The following CFAP20DC variants were observed in gnomAD, a reference collection of about 807,000 sequenced individuals.
CFAP20DC encodes protein CFAP20DC.
A neutral mutation model predicts 101.7 loss-of-function variants in CFAP20DC; 84 were observed. The observed-to-expected ratio is 0.83, with a 90% CI of 0.69 to 0.99. The LOEUF is 0.99. Ranked by LOEUF, CFAP20DC falls within the 50% of genes least tolerant of loss-of-function variation. The probability of loss-of-function intolerance (pLI) is 0.00; values close to 1 mark genes in which losing one functional copy is unlikely to be tolerated. For synonymous variants in CFAP20DC, 359 were observed against 351.2 expected (o/e 1.02, Z -0.25); for missense variants, 1,007 against 970.3 (o/e 1.04, Z -0.50).
chr3:58,996,048 C>T (rs1295887455), intron 4 of CFAP20DC, among the ~76,000 whole-genome samples: 1 of 147,384 alleles, frequency 6.8e-6, no homozygotes, highest in Non-Finnish European at 1.5e-5. Flanking sequence ...TCTGGAGAGC[C>T]CAGATTAATA....
chr3:58,911,578 T>G (rs2084160344), intron 6 of CFAP20DC, among the ~76,000 whole-genome samples: 1 of 152,144 alleles, frequency 6.6e-6, no homozygotes, highest in South Asian at 2.1e-4. Context: ...GATTTCTGCA[T>G]GTTTCTATAT....
intron 15 of CFAP20DC, among the ~76,000 whole-genome samples, chr3:58,779,527 T>G (rs758787478): frequency 2.0e-5 from 3 of 152,032 alleles, no homozygotes; most frequent in Non-Finnish European, 4.4e-5. Context: ...TATTAGTAGA[T>G]AGAAAATTCT....
intron 14 of CFAP20DC, among the ~76,000 whole-genome samples, chr3:58,816,803 C>T (rs1292289669): frequency 2.6e-5 from 4 of 152,154 alleles, no homozygotes; most frequent in African/African-American, 9.6e-5. Flanking sequence ...TCAAGGAGGC[C>T]TGCCTGCCTC....
intron 4 of CFAP20DC, among the ~76,000 whole-genome samples, chr3:58,985,869 T>A (rs1286457426): frequency 6.6e-6 from 1 of 152,250 alleles, no homozygotes. Flanking sequence ...AGGGAATTAT[T>A]TCTTATTCAT....
intron 7 of CFAP20DC, among the ~76,000 whole-genome samples, chr3:58,879,956 CTTA>C (rs2081100284): frequency 6.6e-6 from 1 of 150,826 alleles, no homozygotes; most frequent in South Asian, 2.1e-4. Context: ...CGATTTCCTT[CTTA>C]TTATATATTT....
intron 4 of CFAP20DC, among the ~76,000 whole-genome samples, chr3:59,019,723 T>A (rs1270762980): frequency 6.6e-6 from 1 of 152,106 alleles, no homozygotes; most frequent in Non-Finnish European, 1.5e-5. Context: ...GGATGTCATG[T>A]ATTTGCTTTT....
chr3:58,954,390 G>C (rs574215595), intron 4 of CFAP20DC, among the ~76,000 whole-genome samples: 4 of 152,140 alleles, frequency 2.6e-5, no homozygotes, highest in Non-Finnish European at 5.9e-5. Flanking sequence ...TTCATTTATA[G>C]AATCATCTGT....
At chr3:58,733,430 T>A (rs1038780156) in intron 3 of CFAP20DC, among the ~76,000 whole-genome samples, 1 of 152,178 alleles carries the variant, frequency 6.6e-6, no homozygotes, top group South Asian at 2.1e-4. Flanking sequence ...ATTCGTCATA[T>A]ACTCTGAGGG....
intron 14 of CFAP20DC, among the ~76,000 whole-genome samples, chr3:58,822,692 A>C (rs186976612): frequency 6.6e-6 from 1 of 152,274 alleles, no homozygotes; most frequent in Non-Finnish European, 1.5e-5. Context: ...TTTCAAATAA[A>C]AACTGCTGAC....
At position 58,795,017 on chromosome 3, in the gene CFAP20DC, C is replaced by T. The variant is rs757434424; in HGVS notation, c.2237+11378G>A. 1.3e-5 allele frequency among the ~76,000 whole-genome samples: 2 copies of T among 152,130 alleles called. No individual in the cohort carries two copies. The highest frequency in any genetic ancestry group is 2.4e-5 in the African/African-American group (1 of 41,432). On this transcript the variant is annotated intron_variant, in intron 15 of 16. Coordinates refer to ENST00000482387, the MANE Select transcript of CFAP20DC (RefSeq NM_001394063.1). The surrounding 1 kb of genome is among the most constrained non-coding windows in gnomAD (Gnocchi z 4.2). ...GGCTGTAGCCATTTAACAATAATTACGGTCTTCCATTTTTTAGGTTAATGT... is the reference window on the plus strand; with the variant it reads ...GGCTGTAGCCATTTAACAATAATTATGGTCTTCCATTTTTTAGGTTAATGT...
At chr3:58,954,840 A>G (rs1006931533) in intron 4 of CFAP20DC, among the ~76,000 whole-genome samples, 1 of 152,140 alleles carries the variant, frequency 6.6e-6, no homozygotes, top group African/African-American at 2.4e-5. Context: ...TTTTACACCT[A>G]TGATTTTAAA....
At chr3:58,718,840 C>A (rs553885343) in intron 3 of CFAP20DC, among the ~76,000 whole-genome samples, 115 of 152,310 alleles carry the variant, frequency 7.6e-4, no homozygotes, top group African/African-American at 2.7e-3. Flanking sequence ...CTTCTCCCTG[C>A]AAGCCAGAAG....
chr3:58,833,893 G>A (rs1020079759), intron 13 of CFAP20DC, among the ~76,000 whole-genome samples: 1 of 152,132 alleles, frequency 6.6e-6, no homozygotes, highest in Non-Finnish European at 1.5e-5. Context: ...GAGTAATGAA[G>A]GGCTGGATGA....
chr3:58,880,149 GAGA>G lies in CFAP20DC; in HGVS notation c.715+4393_715+4395del, dbSNP rs1430913259. Among the ~76,000 whole-genome samples the G allele has an allele frequency of 3.9e-5, 6 of 152,106 alleles. No homozygotes were observed. The East Asian group carries it at 9.6e-4, about 24-fold the overall frequency. ...GTTGGAAAATTAAAATTCTGTAATA[GAGA>G]AGGATATGATACTAGAAGTAAAAGT... On this transcript the variant is annotated intron_variant, in intron 7 of 16. Coordinates refer to ENST00000482387, the MANE Select transcript of CFAP20DC (RefSeq NM_001394063.1).
intron 6 of CFAP20DC, among the ~76,000 whole-genome samples, chr3:58,886,281 A>C (rs1449337361): frequency 6.6e-6 from 1 of 152,190 alleles, no homozygotes; most frequent in African/African-American, 2.4e-5. Context: ...TAAGTACATA[A>C]CAGTGTTTCA....
At chr3:58,908,453 T>C (rs180820169) in intron 6 of CFAP20DC, among the ~76,000 whole-genome samples, 124 of 152,314 alleles carry the variant, frequency 8.1e-4, no homozygotes, top group Middle Eastern at 3.4e-3. Flanking sequence ...AAAAAGTTTA[T>C]ACTACACACA....
chr3:58,986,813 G>A (rs778781874), intron 4 of CFAP20DC, among the ~76,000 whole-genome samples: 22 of 151,948 alleles, frequency 1.4e-4, no homozygotes, highest in Non-Finnish European at 2.6e-4. Flanking sequence ...CGGAAAAAAC[G>A]ACCCCCAATA....
At chr3:58,746,170 T>C (rs1410171723) in intron 16 of CFAP20DC, among the ~76,000 whole-genome samples, 2 of 152,154 alleles carry the variant, frequency 1.3e-5, no homozygotes, top group African/African-American at 4.8e-5. Context: ...GATAAATTCA[T>C]CTTTAAATAA....
At chr3:58,901,643 T>G (rs2083156718) in intron 6 of CFAP20DC, among the ~76,000 whole-genome samples, 1 of 152,224 alleles carries the variant, frequency 6.6e-6, no homozygotes. Context: ...AAGTGATTTT[T>G]TTAATAACAA....
Sources: allele counts gnomAD v4.1 joint callset (sites outside exome capture counted in the v4.1 genomes callset), GRCh38; gene constraint gnomAD v4.1.1; non-coding constraint Gnocchi (gnomAD v3.1); transcripts MANE v1.5; gene names NCBI Gene and HGNC (gene_info 2026-07-23, HGNC 2026-07-21).